STK32B: variants seen among roughly 807,000 people sequenced by gnomAD.
STK32B encodes the protein serine/threonine kinase 32B, also known as serine/threonine-protein kinase 32B.
STK32B carries 43 observed loss-of-function variants against 52.6 expected under a neutral mutation model. The ratio of observed to expected loss-of-function variants is 0.82; its 90% confidence interval spans 0.64 to 1.05. The LOEUF (loss-of-function observed/expected upper bound fraction) is 1.05, where lower values mean the gene tolerates loss of function less well. Among genes scored for constraint, STK32B ranks in the 50% least tolerant of loss-of-function variants. STK32B has a pLI of 0.00. For synonymous variants in STK32B, 238 were observed against 204.3 expected (o/e 1.17, Z -1.41); for missense variants, 621 against 534.6 (o/e 1.16, Z -1.59).
chr4:5,182,627 A>C (rs1024277850), intron 3 of STK32B, among the ~76,000 whole-genome samples: 2 of 151,658 alleles, frequency 1.3e-5, no homozygotes, highest in Non-Finnish European at 2.9e-5. Flanking sequence ...ATGCCTGGCT[A>C]TTTGTATTTT....
At chr4:5,429,218 G>A (rs1004359712) in intron 6 of STK32B, among the ~76,000 whole-genome samples, 13 of 150,686 alleles carry the variant, frequency 8.6e-5, no homozygotes, top group African/African-American at 2.9e-4. Context: ...TACATTTCTT[G>A]TAGGCAATCT....
At chr4:5,478,751 C>T (rs555456988) in intron 11 of STK32B, among the ~76,000 whole-genome samples, 7 of 152,134 alleles carry the variant, frequency 4.6e-5, no homozygotes, top group Non-Finnish European at 7.3e-5. Context: ...TGTTACTCCC[C>T]GGAGGCTGGA....
intron 3 of STK32B, among the ~76,000 whole-genome samples, chr4:5,238,692 G>A (rs1396544879): frequency 6.6e-6 from 1 of 152,114 alleles, no homozygotes; most frequent in African/African-American, 2.4e-5. Flanking sequence ...AAAATACAAA[G>A]GCCAGCGTTT....
At chr4:5,344,041 G>A (rs1393866) in intron 4 of STK32B, among the ~76,000 whole-genome samples, 1 of 152,336 alleles carries the variant, frequency 6.6e-6, no homozygotes, top group Non-Finnish European at 1.5e-5. Context: ...ACGGTCCATA[G>A]GCAGTGCTGT....
Position 5,416,257 on chromosome 4 carries a change from T to C in STK32B, c.473-588T>C, listed in dbSNP as rs1187858594. Among the ~76,000 whole-genome samples, 4 of 152,150 alleles carry C rather than the reference T, an allele frequency of 2.6e-5. No homozygotes were observed. In the East Asian group the frequency reaches 7.7e-4, roughly 29 times the overall value. ...CTTAGTTTCCTTCCCTTCTTCTCTTTCCCTTTTCCTTCCTTGTCATGTTTC... is the reference window on the plus strand; with the variant it reads ...CTTAGTTTCCTTCCCTTCTTCTCTTCCCCTTTTCCTTCCTTGTCATGTTTC... On this transcript the variant is annotated intron_variant, in intron 5 of 11. Transcript: ENST00000282908.
At chr4:5,063,956 A>G (rs946992966) in intron 1 of STK32B, among the ~76,000 whole-genome samples, 1 of 152,064 alleles carries the variant, frequency 6.6e-6, no homozygotes, top group Non-Finnish European at 1.5e-5. Context: ...TTCTGGTTTT[A>G]TGAAGTTCCT....
intron 3 of STK32B, among the ~76,000 whole-genome samples, chr4:5,270,447 C>T (rs974644181): frequency 6.6e-5 from 10 of 152,152 alleles, no homozygotes; most frequent in African/African-American, 2.2e-4. Flanking sequence ...GAGGGTGGGT[C>T]TGCCTTTCCC....
chr4:5,223,466 G>C lies in STK32B; in HGVS notation c.260+55016G>C, dbSNP rs555923464. Among the ~76,000 whole-genome samples the C allele has an allele frequency of 2.6e-5, 4 of 152,256 alleles. No individual in the cohort carries two copies. In the South Asian group the frequency reaches 8.3e-4, roughly 32 times the overall value. On this transcript the variant is annotated intron_variant, in intron 3 of 11. Transcript: ENST00000282908. The stretch of plus-strand genomic sequence containing the variant: ...CATGGGTTGTGCCCAGCAAAGCTAT[G>C]GGGGTGGGGTCCCCTGCAGCCAGCA...
intron 3 of STK32B, among the ~76,000 whole-genome samples, chr4:5,245,261 C>T (rs1577237959): frequency 6.6e-6 from 1 of 152,254 alleles, no homozygotes; most frequent in East Asian, 1.9e-4. Flanking sequence ...TCTGGGTGCT[C>T]CTGTATTGGG....
At chr4:5,140,229 A>G (rs1007555032) in intron 2 of STK32B, 28 of 1,463,008 alleles carry the variant, frequency 1.9e-5, no homozygotes, top group Non-Finnish European at 2.3e-5. Context: ...TTGAGAATCT[A>G]AGTGAGGAAA....
chr4:5,382,735 G>C (rs1183539281), intron 4 of STK32B, among the ~76,000 whole-genome samples: 5 of 152,170 alleles, frequency 3.3e-5, no homozygotes, highest in Non-Finnish European at 5.9e-5. Context: ...AATGTTTGAT[G>C]TATTCATTAA....
In STK32B at chr4:5,195,298, A is replaced by T. The variant is rs550496651; in HGVS notation, c.260+26848A>T. On this transcript the variant is annotated intron_variant, in intron 3 of 11. Transcript: ENST00000282908. ...GCTCACATAGAAGTAAGGAAATGAGACATTTATAAAATGTATCAGATTTGT... is the reference window on the plus strand; with the variant it reads ...GCTCACATAGAAGTAAGGAAATGAGTCATTTATAAAATGTATCAGATTTGT... Among the ~76,000 whole-genome samples, 18 of 152,274 alleles carry T rather than the reference A, an allele frequency of 1.2e-4. No homozygotes were observed. The South Asian group carries it at 3.7e-3, about 32-fold the overall frequency.
At chr4:5,199,352 G>A (rs1389941730) in intron 3 of STK32B, among the ~76,000 whole-genome samples, 1 of 152,172 alleles carries the variant, frequency 6.6e-6, no homozygotes, top group Non-Finnish European at 1.5e-5. Context: ...TAATGAATAT[G>A]TTAAGTGCTT....
At chr4:5,203,600 T>C (rs529204463) in intron 3 of STK32B, among the ~76,000 whole-genome samples, 36 of 152,190 alleles carry the variant, frequency 2.4e-4, no homozygotes, top group Admixed American at 6.5e-4. Context: ...CAAGAGGACA[T>C]GTTCCTTTTA....
At chr4:5,236,886 G>GT (rs1385263657) in intron 3 of STK32B, among the ~76,000 whole-genome samples, 2 of 152,194 alleles carry the variant, frequency 1.3e-5, no homozygotes, top group Non-Finnish European at 2.9e-5. Flanking sequence ...TTCTGTTGGA[G>GT]TTACACCCAA....
At chr4:5,364,262 C>A (rs565694233) in intron 4 of STK32B, among the ~76,000 whole-genome samples, 42 of 152,158 alleles carry the variant, frequency 2.8e-4, no homozygotes, top group African/African-American at 9.9e-4. Context: ...AAACCCAAAT[C>A]AAGCCAGTTT....
chr4:5,247,061 C>G (rs1414570062), intron 3 of STK32B, among the ~76,000 whole-genome samples: 1 of 152,232 alleles, frequency 6.6e-6, no homozygotes, highest in Non-Finnish European at 1.5e-5. Context: ...TCTCAGATCT[C>G]AAGCTGCATG....
chr4:5,172,997 G>T (rs1325651420), intron 3 of STK32B, among the ~76,000 whole-genome samples: 2 of 152,138 alleles, frequency 1.3e-5, no homozygotes, highest in Non-Finnish European at 2.9e-5. Context: ...TCCTGTTATT[G>T]GTCTATTCAG....
At chr4:5,376,845 C>T (rs1417463071) in intron 4 of STK32B, among the ~76,000 whole-genome samples, 1 of 152,202 alleles carries the variant, frequency 6.6e-6, no homozygotes, top group Non-Finnish European at 1.5e-5. Context: ...CACATCCCCT[C>T]TGGCCCCATG....
Sources: allele counts gnomAD v4.1 joint callset (sites outside exome capture counted in the v4.1 genomes callset), GRCh38; gene constraint gnomAD v4.1.1; transcripts MANE v1.5; gene names NCBI Gene and HGNC (gene_info 2026-07-23, HGNC 2026-07-21).